The following JMJD1C variants were observed in gnomAD, a reference collection of about 807,000 sequenced individuals.
JMJD1C encodes jumonji domain containing 1C, also known as jumonji domain-containing protein 1C.
Under a neutral mutation model 245.3 loss-of-function variants are expected in JMJD1C, and 31 were observed. The ratio of observed to expected loss-of-function variants is 0.13; its 90% CI spans 0.09 to 0.17. JMJD1C has a LOEUF of 0.17. Ranked by LOEUF, JMJD1C falls within the 10% of genes least tolerant of loss-of-function variation. The pLI, the probability that JMJD1C is intolerant of heterozygous loss-of-function variation, is 1.00. For missense variants in JMJD1C, 2,691 were observed against 3,000.2 expected (o/e 0.90, Z 2.41); for synonymous variants, 1,057 against 1,017.4 (o/e 1.04, Z -0.74).
rs995129886 is a variant in JMJD1C, at chr10:63,465,958, A to C, written c.-296T>G. ...ACCCCGAGGCAGCCCAGCCGCCGCC[A>C]CCGCGCCGCGGCCAGTACTGCTCCG... On this transcript the variant is annotated 5_prime_UTR_variant, in exon 1 of 26. Transcript: ENST00000399262. 5.9e-6 allele frequency: 3 copies of C among 509,910 alleles called. No homozygotes were observed. Among genetic ancestry groups the C allele is most frequent in the Non-Finnish European group, 7.3e-6 (2 of 274,292 alleles). 31.6% of individuals were successfully genotyped at this position (509,910 alleles called of 1,614,324 possible).
chr10:63,327,448 A>G lies in JMJD1C; in HGVS notation c.333+52870T>C, dbSNP rs571139051. Reference sequence around the variant, plus strand: ...TATATGTATATTTCCCCCACCCCCAAGTAAAAGCCTTTTAGTGCTGGCAGA... The same window carrying G: ...TATATGTATATTTCCCCCACCCCCAGGTAAAAGCCTTTTAGTGCTGGCAGA... On this transcript the variant is annotated intron_variant, in intron 2 of 25. Coordinates refer to ENST00000399262, the MANE Select transcript of JMJD1C (RefSeq NM_032776.3). Among the ~76,000 whole-genome samples, 5 of 152,328 alleles carry G rather than the reference A, an allele frequency of 3.3e-5. No individual in the cohort carries two copies. In the East Asian group the frequency reaches 9.6e-4, roughly 29 times the overall value.
In JMJD1C at chr10:63,208,777, C is replaced by T; in HGVS notation, c.2892G>A (p.Met964Ile). 6.3e-7 allele frequency: 1 copy of T among 1,582,830 alleles called. No homozygotes were observed. The highest frequency in any genetic ancestry group is 8.5e-7 in the Non-Finnish European group (1 of 1,170,030). Reference sequence around the variant, plus strand: ...TGGATGCAACAGACCGTAATGGTTCCATAAAAGCTTTTCTTTCTAATTCTC... The same window carrying T: ...TGGATGCAACAGACCGTAATGGTTCTATAAAAGCTTTTCTTTCTAATTCTC... ...HKEELERKAF[M>I]EPLRSVASTS... The change falls in exon 10 of 26, where the codon ATG becomes ATA. Residue 964 changes from methionine to isoleucine, a missense_variant. This residue lies in a region of JMJD1C where 1,562 missense variants were observed against 1,490.7 expected (regional missense o/e 1.05). Coordinates refer to ENST00000399262, the MANE Select transcript of JMJD1C (RefSeq NM_032776.3).
rs373671324 is a variant in JMJD1C at position 63,296,013 on chromosome 10, A to ATTTTTTTT, written c.334-31257_334-31250dup. On this transcript the variant is annotated intron_variant, in intron 2 of 25. Coordinates refer to ENST00000399262, the MANE Select transcript of JMJD1C (RefSeq NM_032776.3). ...TGTGTGTGTGTGTGTGTATATATAT[A>ATTTTTTTT]TTTTTTTTTTTTTCTTAGATGGAGT... is the stretch of plus-strand genomic sequence containing the variant. 5.0e-4 allele frequency among the ~76,000 whole-genome samples: 42 copies of ATTTTTTTT among 84,276 alleles called. 1 individual carries two copies. The highest frequency in any genetic ancestry group is 9.2e-4 in the Admixed American group (7 of 7,622). 55.3% of individuals were successfully genotyped at this position (84,276 alleles called of 152,430 possible). A position where few individuals can be genotyped will look rare whatever the true frequency, so the allele number is the denominator to read the frequency against.
chr10:63,385,126 G>T (rs1947486432), intron 1 of JMJD1C, among the ~76,000 whole-genome samples: 1 of 152,122 alleles, frequency 6.6e-6, no homozygotes, highest in Admixed American at 6.5e-5. Context: ...CAGGGGAATG[G>T]CTGGTTAGTG....
intron 2 of JMJD1C, chr10:63,269,155 C>CT (rs1455290866): frequency 2.6e-4 from 252 of 985,368 alleles, no homozygotes; most frequent in Non-Finnish European, 2.9e-4. Flanking sequence ...GCCTTTCCCA[C>CT]TGTACTCTGT....
At chr10:63,436,205 G>A (rs1951051683) in intron 1 of JMJD1C, among the ~76,000 whole-genome samples, 1 of 152,138 alleles carries the variant, frequency 6.6e-6, no homozygotes, top group Admixed American at 6.5e-5. Context: ...TTCAACACAA[G>A]TTTCTGTTCT....
chr10:63,450,361 T>C (rs1239948149), intron 1 of JMJD1C, among the ~76,000 whole-genome samples: 1 of 152,006 alleles, frequency 6.6e-6, no homozygotes, highest in Admixed American at 6.6e-5. Flanking sequence ...GCAGCATTAT[T>C]ACCATAGCAG....
At chr10:63,474,956 A>C (rs903998508) in intron 1 of JMJD1C, among the ~76,000 whole-genome samples, 1 of 152,176 alleles carries the variant, frequency 6.6e-6, no homozygotes, top group Non-Finnish European at 1.5e-5. Context: ...TAGAAGTTGG[A>C]ATAGTGCTTA....
chr10:63,449,626 T>G (rs1951918273), intron 1 of JMJD1C, among the ~76,000 whole-genome samples: 1 of 152,054 alleles, frequency 6.6e-6, no homozygotes, highest in Admixed American at 6.6e-5. Context: ...TACATCTAAG[T>G]GTCAAAATAT....
At chr10:63,368,358 T>C (rs897179613) in intron 2 of JMJD1C, among the ~76,000 whole-genome samples, 1 of 152,204 alleles carries the variant, frequency 6.6e-6, no homozygotes, top group African/African-American at 2.4e-5. Flanking sequence ...AAATACATCA[T>C]ATTCACGAAC....
chr10:63,292,218 C>G (rs1858861809), intron 2 of JMJD1C, among the ~76,000 whole-genome samples: 1 of 138,806 alleles, frequency 7.2e-6, no homozygotes, highest in African/African-American at 2.7e-5. Flanking sequence ...CTCAGCTTCC[C>G]ATAGTGCTGG....
At chr10:63,342,673 C>T (rs1196991471) in intron 2 of JMJD1C, among the ~76,000 whole-genome samples, 2 of 152,166 alleles carry the variant, frequency 1.3e-5, no homozygotes, top group Admixed American at 6.5e-5. Flanking sequence ...TATTTCTTCA[C>T]TGTACTAATG....
chr10:63,377,245 G>A (rs187644393), intron 2 of JMJD1C, among the ~76,000 whole-genome samples: 19 of 151,874 alleles, frequency 1.3e-4, no homozygotes, highest in African/African-American at 2.2e-4. Context: ...CCAGGAAGAC[G>A]GGGGAATAAG....
intron 2 of JMJD1C, among the ~76,000 whole-genome samples, chr10:63,278,965 G>C (rs1267498523): frequency 2.0e-5 from 3 of 151,958 alleles, no homozygotes; most frequent in Admixed American, 2.0e-4. Flanking sequence ...TGACAGAATG[G>C]CTGGCTACGC....
intron 3 of JMJD1C, among the ~76,000 whole-genome samples, chr10:63,239,392 A>C (rs1490583964): frequency 6.6e-6 from 1 of 152,176 alleles, no homozygotes; most frequent in African/African-American, 2.4e-5. Context: ...CAGAATTAGT[A>C]ATTCTGGGAG....
chr10:63,223,400 G>C (rs1217103035), intron 3 of JMJD1C, among the ~76,000 whole-genome samples: 1 of 151,846 alleles, frequency 6.6e-6, no homozygotes, highest in African/African-American at 2.4e-5. Flanking sequence ...ACTAATTTTT[G>C]TATTTTTAGT....
At chr10:63,285,032 C>T (rs571072828) in intron 2 of JMJD1C, among the ~76,000 whole-genome samples, 6 of 152,272 alleles carry the variant, frequency 3.9e-5, no homozygotes, top group African/African-American at 1.4e-4. Flanking sequence ...TGAGCAAACC[C>T]ACGCAGACAT....
At chr10:63,336,689 T>C (rs1031339374) in intron 2 of JMJD1C, among the ~76,000 whole-genome samples, 2 of 152,304 alleles carry the variant, frequency 1.3e-5, no homozygotes, top group African/African-American at 2.4e-5. Flanking sequence ...CAAGGTGTTA[T>C]GGCTGCTTGG....
At chr10:63,327,771 C>T (rs1193239510) in intron 2 of JMJD1C, among the ~76,000 whole-genome samples, 1 of 151,946 alleles carries the variant, frequency 6.6e-6, no homozygotes, top group Non-Finnish European at 1.5e-5. Context: ...CAGATTCAAG[C>T]GATTCTCCTG....
Sources: allele counts gnomAD v4.1 joint callset (sites outside exome capture counted in the v4.1 genomes callset), GRCh38; gene constraint gnomAD v4.1.1; regional missense constraint gnomAD v4.1.1; transcripts MANE v1.5; gene names NCBI Gene and HGNC (gene_info 2026-07-23, HGNC 2026-07-21).